GNG4: variants seen among roughly 807,000 people sequenced by gnomAD.
GNG4 encodes G protein subunit gamma 4, also known as guanine nucleotide-binding protein G(I)/G(S)/G(O) subunit gamma-4.
In GNG4, 4 loss-of-function variants were observed where a neutral mutation model predicts 5.8. The ratio of observed to expected loss-of-function variants is 0.69; its 90% CI spans 0.34 to 1.57. The LOEUF is 1.57. Among genes scored for constraint, GNG4 ranks in the 40% most tolerant of loss-of-function variants. GNG4 has a pLI of 0.06. For synonymous variants in GNG4, 29 were observed against 32.9 expected (o/e 0.88, Z 0.41); for missense variants, 96 against 95.1 (o/e 1.01, Z -0.04).
At chr1:235,630,351 G>T (rs895493543) in intron 1 of GNG4, among the ~76,000 whole-genome samples, 1 of 152,188 alleles carries the variant, frequency 6.6e-6, no homozygotes, top group South Asian at 2.1e-4. Flanking sequence ...TTCAAATGCC[G>T]TAAGTACTTG....
intron 1 of GNG4, among the ~76,000 whole-genome samples, chr1:235,613,861 C>A (rs190749581): frequency 3.0e-3 from 452 of 152,238 alleles, no homozygotes; most frequent in Non-Finnish European, 5.5e-3. Flanking sequence ...GGTGTGTGAA[C>A]CTTTCAAGCA....
At chr1:235,616,748 G>A (rs1012373606) in intron 1 of GNG4, among the ~76,000 whole-genome samples, 2 of 151,700 alleles carry the variant, frequency 1.3e-5, no homozygotes, top group African/African-American at 4.8e-5. Flanking sequence ...GTGTGTGCGC[G>A]CGTGTTTTGA....
chr1:235,579,435 T>TA (rs140477432), intron 3 of GNG4, among the ~76,000 whole-genome samples: 28,286 of 148,600 alleles, frequency 0.19, 3,042 homozygotes, highest in African/African-American at 0.28. Context: ...AATACATTAA[T>TA]AAAAAAAAAC....
chr1:235,594,728 C>T (rs1337761325), intron 2 of GNG4, among the ~76,000 whole-genome samples: 3 of 152,194 alleles, frequency 2.0e-5, no homozygotes, highest in South Asian at 2.1e-4. Flanking sequence ...GGTCCGCAAG[C>T]ACCGTGCGCA....
intron 1 of GNG4, among the ~76,000 whole-genome samples, chr1:235,634,401 T>A (rs951101932): frequency 6.6e-6 from 1 of 152,214 alleles, no homozygotes; most frequent in African/African-American, 2.4e-5. Flanking sequence ...TTGTTCTGTG[T>A]GCTGGAGAGG....
intron 3 of GNG4, among the ~76,000 whole-genome samples, chr1:235,571,999 T>C (rs186534609): frequency 4.0e-5 from 6 of 151,664 alleles, no homozygotes; most frequent in Admixed American, 3.9e-4. Flanking sequence ...ACATCCAGCT[T>C]ACTTTTTTGA....
At chr1:235,612,485 C>T (rs1301391717) in intron 1 of GNG4, among the ~76,000 whole-genome samples, 1 of 152,164 alleles carries the variant, frequency 6.6e-6, no homozygotes, top group Admixed American at 6.6e-5. Context: ...ACAAGCGTCA[C>T]TGTCTTGGTT....
chr1:235,610,460 A>G (rs1688456018), intron 1 of GNG4, among the ~76,000 whole-genome samples: 1 of 152,206 alleles, frequency 6.6e-6, no homozygotes, highest in Non-Finnish European at 1.5e-5. Context: ...GAAACTGTCT[A>G]AACTTGTTCC....
intron 3 of GNG4, among the ~76,000 whole-genome samples, chr1:235,573,396 C>T (rs1252698284): frequency 2.0e-5 from 3 of 151,526 alleles, no homozygotes. Context: ...ATGGGTGCAG[C>T]ACACCAAATA....
intron 1 of GNG4, among the ~76,000 whole-genome samples, chr1:235,597,616 G>GTATTTTTT (rs1688155336): frequency 9.7e-6 from 1 of 103,616 alleles, no homozygotes; most frequent in African/African-American, 3.6e-5. Context: ...GTGTGTGTGT[G>GTATTTTTT]TGTGTGTGTG....
At chr1:235,617,889 T>TAAAAAAAA (rs34128028) in intron 1 of GNG4, among the ~76,000 whole-genome samples, 1 of 109,724 alleles carries the variant, frequency 9.1e-6, no homozygotes, top group Admixed American at 9.7e-5. Context: ...TGCCTCTATC[T>TAAAAAAAA]AAAAAAAAAA....
intron 1 of GNG4, among the ~76,000 whole-genome samples, chr1:235,603,871 G>A (rs10926217): frequency 0.2 from 30,703 of 152,016 alleles, 3,682 homozygotes; most frequent in Non-Finnish European, 0.27. Context: ...ATTAGAGAAG[G>A]TTGGCAGACC....
Position 235,548,851 on chromosome 1 carries a change from G to A in GNG4, c.*3258C>T, listed in dbSNP as rs545634706. 6.6e-6 allele frequency: 1 copy of A among 152,372 alleles called. No homozygotes were observed. The highest frequency in any genetic ancestry group is 2.1e-4 in the South Asian group (1 of 4,828). 9.4% of individuals were successfully genotyped at this position (152,372 alleles called of 1,614,324 possible). A position where few individuals can be genotyped will look rare whatever the true frequency, so the allele number is the denominator to read the frequency against. ...CACTGACAGAGTGGGGGAGCTCAGTGACATGTCTGTGGATCTCACAGCTCA... is the reference window on the plus strand; with the variant it reads ...CACTGACAGAGTGGGGGAGCTCAGTAACATGTCTGTGGATCTCACAGCTCA... On this transcript the variant is annotated 3_prime_UTR_variant, in exon 4 of 4. Coordinates refer to ENST00000391854, the MANE Select transcript of GNG4 (RefSeq NM_001098722.2).
intron 2 of GNG4, among the ~76,000 whole-genome samples, chr1:235,587,670 CTG>C (rs1186891780): frequency 2.9e-3 from 30 of 10,290 alleles, no homozygotes; most frequent in African/African-American, 7.5e-3. Flanking sequence ...GTGTGTGTGA[CTG>C]TGGGGTATGT....
At chr1:235,568,168 T>TAA (rs5781834) in intron 3 of GNG4, among the ~76,000 whole-genome samples, 1,891 of 150,714 alleles carry the variant, frequency 0.013, 48 homozygotes, top group African/African-American at 0.044. Flanking sequence ...TTTTTTTTTT[T>TAA]AAACCTATGA....
At chr1:235,620,572 A>C (rs1032632087) in intron 1 of GNG4, among the ~76,000 whole-genome samples, 1 of 151,792 alleles carries the variant, frequency 6.6e-6, no homozygotes, top group Non-Finnish European at 1.5e-5. Flanking sequence ...GTCTCGCTCT[A>C]TTGCCCAGAC....
intron 1 of GNG4, among the ~76,000 whole-genome samples, chr1:235,638,265 C>A (rs937204125): frequency 1.3e-5 from 2 of 152,192 alleles, no homozygotes; most frequent in Non-Finnish European, 2.9e-5. Flanking sequence ...GTATTGGTTT[C>A]TATTGTGGCT....
intron 1 of GNG4, among the ~76,000 whole-genome samples, chr1:235,598,322 G>A (rs753555301): frequency 2.2e-4 from 34 of 152,270 alleles, no homozygotes; most frequent in Middle Eastern, 6.8e-3. Context: ...TAAGGATCCC[G>A]ATTCCAGCTG....
intron 3 of GNG4, among the ~76,000 whole-genome samples, chr1:235,576,939 G>A (rs915794751): frequency 6.6e-6 from 1 of 152,102 alleles, no homozygotes; most frequent in African/African-American, 2.4e-5. Context: ...TTTCAGCTAC[G>A]TTTTTCCTCC....
Sources: allele counts gnomAD v4.1 joint callset (sites outside exome capture counted in the v4.1 genomes callset), GRCh38; gene constraint gnomAD v4.1.1; transcripts MANE v1.5; gene names NCBI Gene and HGNC (gene_info 2026-07-23, HGNC 2026-07-21).